RAF1: variants seen among roughly 807,000 people sequenced by gnomAD.
RAF1 encodes the protein RAF proto-oncogene serine/threonine-protein kinase.
Under a neutral mutation model 81.1 loss-of-function variants are expected in RAF1, and 27 were observed. The ratio of observed to expected loss-of-function variants is 0.33; its 90% CI spans 0.25 to 0.46. RAF1 has a LOEUF of 0.46. Ranked by LOEUF, RAF1 falls within the 20% of genes least tolerant of loss-of-function variation. The pLI is 1.00. For missense variants in RAF1, 598 were observed against 826.0 expected (o/e 0.72, Z 3.38); for synonymous variants, 298 against 294.0 (o/e 1.01, Z -0.14).
At chr3:12,631,164 A>G (rs758121142) in intron 1 of RAF1, among the ~76,000 whole-genome samples, 1 of 152,192 alleles carries the variant, frequency 6.6e-6, no homozygotes, top group Admixed American at 6.5e-5. Context: ...AAAAATTTAA[A>G]AACTGGCCAG....
At chr3:12,654,766 T>C (rs1209790152) in intron 1 of RAF1, among the ~76,000 whole-genome samples, 2 of 88,462 alleles carry the variant, frequency 2.3e-5, no homozygotes, top group Admixed American at 1.2e-4. Flanking sequence ...GTGTACATAA[T>C]GTATCCCTTT....
intron 11 of RAF1, among the ~76,000 whole-genome samples, chr3:12,598,755 C>CAAAAAAAAAAAAAAAAAA (rs1559418330): frequency 1.0e-5 from 1 of 98,938 alleles, no homozygotes. Flanking sequence ...AAAAAAAAAC[C>CAAAAAAAAAAAAAAAAAA]ACCAAGTACT....
chr3:12,604,047 G>A, intron 7 of RAF1, 89 bp downstream of exon 7: 1 of 1,434,584 alleles, frequency 7.0e-7, no homozygotes, highest in East Asian at 2.3e-5. Context: ...AACATTCCTT[G>A]ATCAGATTTG....
At chr3:12,660,485 T>C (rs1293546139) in intron 1 of RAF1, among the ~76,000 whole-genome samples, 1 of 151,984 alleles carries the variant, frequency 6.6e-6, no homozygotes, top group Non-Finnish European at 1.5e-5. Flanking sequence ...TTTGTGTGTG[T>C]GTATTTTTTG....
At chr3:12,663,552 TA>T (rs1023061848) in intron 1 of RAF1, among the ~76,000 whole-genome samples, 1 of 152,200 alleles carries the variant, frequency 6.6e-6, no homozygotes, top group Non-Finnish European at 1.5e-5. Context: ...GCGCATGGCA[TA>T]AGGGTGGCGT....
At chr3:12,635,656 AAAAAG>A (rs1352397167) in intron 1 of RAF1, among the ~76,000 whole-genome samples, 9 of 147,622 alleles carry the variant, frequency 6.1e-5, no homozygotes, top group South Asian at 2.1e-4. Flanking sequence ...AAAAAAAAAA[AAAAAG>A]AGAGAGAGAG....
At chr3:12,661,178 C>A (rs2060865187) in intron 1 of RAF1, among the ~76,000 whole-genome samples, 1 of 152,110 alleles carries the variant, frequency 6.6e-6, no homozygotes, top group Non-Finnish European at 1.5e-5. Context: ...TCTGTTAATT[C>A]CATAATAGTC....
intron 1 of RAF1, among the ~76,000 whole-genome samples, chr3:12,647,656 A>G (rs1687808630): frequency 6.6e-6 from 1 of 152,252 alleles, no homozygotes; most frequent in African/African-American, 2.4e-5. Context: ...CACTGGAAAA[A>G]AAATAACTTT....
At chr3:12,636,732 GGGA>G (rs1439271524) in intron 1 of RAF1, among the ~76,000 whole-genome samples, 1 of 151,916 alleles carries the variant, frequency 6.6e-6, no homozygotes, top group African/African-American at 2.4e-5. Context: ...ACTTGAGCCT[GGGA>G]GGTGGAGGCT....
At chr3:12,592,163 G>A in intron 11 of RAF1, 1 of 350,826 alleles carries the variant, frequency 2.9e-6, no homozygotes, top group Non-Finnish European at 5.6e-6. Context: ...CACCAACCCT[G>A]GCAAGCCACA....
intron 8 of RAF1, among the ~76,000 whole-genome samples, chr3:12,602,422 G>A (rs532047334): frequency 2.2e-4 from 34 of 152,274 alleles, no homozygotes; most frequent in African/African-American, 7.9e-4. Flanking sequence ...ATCATACACA[G>A]CTCACTACAA....
At chr3:12,631,985 G>GT (rs2059875533) in intron 1 of RAF1, among the ~76,000 whole-genome samples, 1 of 152,048 alleles carries the variant, frequency 6.6e-6, no homozygotes, top group Non-Finnish European at 1.5e-5. Context: ...TCCAAATACT[G>GT]TATCACAATA....
At chr3:12,594,257 G>C (rs1216464189) in intron 11 of RAF1, among the ~76,000 whole-genome samples, 2 of 152,198 alleles carry the variant, frequency 1.3e-5, no homozygotes, top group African/African-American at 4.8e-5. Context: ...TCAACTGAGT[G>C]GAAGTGCTGG....
At chr3:12,604,315 A>AT in intron 6 of RAF1, 26 bp from the exon 7 acceptor site, 1 of 1,609,386 alleles carries the variant, frequency 6.2e-7, no homozygotes, top group Non-Finnish European at 8.5e-7. Flanking sequence ...AAATTCCATG[A>AT]TTGGCACTTA....
chr3:12,634,354 T>G (rs1435328859), intron 1 of RAF1, among the ~76,000 whole-genome samples: 1 of 151,998 alleles, frequency 6.6e-6, no homozygotes, highest in African/African-American at 2.4e-5. Flanking sequence ...TTTCGCCATG[T>G]TGGCCAGGCT....
At chr3:12,659,907 T>C (rs1320829670) in intron 1 of RAF1, among the ~76,000 whole-genome samples, 2 of 152,152 alleles carry the variant, frequency 1.3e-5, no homozygotes, top group Non-Finnish European at 2.9e-5. Flanking sequence ...TACTCCCTCA[T>C]GTAACATTTT....
chr3:12,591,375 T>TA (rs921085393), intron 12 of RAF1, among the ~76,000 whole-genome samples: 43 of 151,560 alleles, frequency 2.8e-4, no homozygotes, highest in African/African-American at 7.7e-4. Context: ...AACTCAGCTA[T>TA]AAAAAAAAGG....
rs550043166 is a variant in RAF1, at chr3:12,606,108, G to C, written c.680+93C>G. The C allele has an allele frequency of 4.7e-4, 406 of 862,014 alleles. 2 individuals are homozygous for C. In the South Asian group the frequency reaches 5.5e-3, roughly 12 times the overall value. The allele number at this position is 862,014 out of a possible 1,614,324, so 53.4% of individuals were successfully genotyped here. A position where few individuals can be genotyped will look rare whatever the true frequency, so the allele number is the denominator to read the frequency against. On this transcript the variant is annotated intron_variant, in intron 6 of 17. Transcript: ENST00000442415. ...AAGGGGTTTCCACGTAGAGAGGAGGGAATGCGAAGAAACTCTTATTTTTTG... is the reference window on the plus strand; with the variant it reads ...AAGGGGTTTCCACGTAGAGAGGAGGCAATGCGAAGAAACTCTTATTTTTTG...
intron 2 of RAF1, among the ~76,000 whole-genome samples, chr3:12,616,344 A>G (rs546064200): frequency 2.0e-5 from 3 of 152,356 alleles, no homozygotes; most frequent in East Asian, 1.9e-4. Flanking sequence ...AAGAAGCACC[A>G]AATGGTCTTC....
Sources: gnomAD v4.1 joint callset for allele counts (sites outside exome capture counted in the v4.1 genomes callset) on GRCh38, gnomAD v4.1.1 for gene constraint, MANE v1.5 for transcripts, NCBI Gene and HGNC (gene_info 2026-07-23, HGNC 2026-07-21) for gene names.